HYDIN: variants seen among roughly 807,000 people sequenced by gnomAD.
HYDIN encodes axonemal central pair apparatus protein HYDIN.
In HYDIN, 132 loss-of-function variants were observed where a neutral mutation model predicts 403.9. The observed-to-expected ratio is 0.33, with a 90% CI of 0.28 to 0.38. The LOEUF (loss-of-function observed/expected upper bound fraction) is 0.38, where lower values mean the gene tolerates loss of function less well. Ranked by LOEUF, HYDIN falls within the 10% of genes least tolerant of loss-of-function variation. HYDIN has a pLI of 1.00. For missense variants in HYDIN, 2,827 were observed against 5,009.5 expected (o/e 0.56, Z 13.15); for synonymous variants, 1,202 against 1,891.7 (o/e 0.64, Z 9.46).
chr16:71,031,468 C>T lies in HYDIN; in HGVS notation c.2768+211G>A, dbSNP rs973523951. Reference sequence around the variant, plus strand: ...CATATTCTTCTCGGATGTAGAGGGACACGGATTAGAGAATGCAACCAAGTT... The same window carrying T: ...CATATTCTTCTCGGATGTAGAGGGATACGGATTAGAGAATGCAACCAAGTT... On this transcript the variant is annotated intron_variant, in intron 19 of 85. Coordinates refer to ENST00000393567, the MANE Select transcript of HYDIN (RefSeq NM_001270974.2). 3.7e-6 allele frequency: 5 copies of T among 1,366,410 alleles called. No homozygotes were observed. The African/African-American group carries it at 7.3e-5, about 20-fold the overall frequency. 84.6% of individuals were successfully genotyped at this position (1,366,410 alleles called of 1,614,324 possible). A position where few individuals can be genotyped will look rare whatever the true frequency, so the allele number is the denominator to read the frequency against.
At chr16:71,031,474 T>C in intron 19 of HYDIN, 2 of 1,369,132 alleles carry the variant, frequency 1.5e-6, no homozygotes, top group Non-Finnish European at 1.9e-6. Flanking sequence ...GGGACACGGA[T>C]TAGAGAATGC....
At chr16:71,173,480 A>G (rs886591334) in intron 5 of HYDIN, among the ~76,000 whole-genome samples, 1 of 152,216 alleles carries the variant, frequency 6.6e-6, no homozygotes, top group African/African-American at 2.4e-5. Context: ...AATACATTTC[A>G]ACTATTTCTT....
chr16:71,014,402 G>A (rs905639095), intron 23 of HYDIN, among the ~76,000 whole-genome samples: 12 of 144,110 alleles, frequency 8.3e-5, no homozygotes, highest in Non-Finnish European at 1.5e-4. Flanking sequence ...CTCCAGCATC[G>A]ATTCTCCCTC....
intron 20 of HYDIN, chr16:71,027,179 G>T: frequency 2.9e-6 from 3 of 1,050,124 alleles, no homozygotes; most frequent in Non-Finnish European, 2.3e-6. Flanking sequence ...GTTGCAGTCA[G>T]GCTGGAAAGA....
At chr16:71,118,693 GT>G (rs1445011934) in intron 9 of HYDIN, among the ~76,000 whole-genome samples, 13 of 148,486 alleles carry the variant, frequency 8.8e-5, no homozygotes, top group African/African-American at 3.2e-4. Context: ...ATAAGTATCT[GT>G]TTTCTTCTGA....
intron 65 of HYDIN, among the ~76,000 whole-genome samples, chr16:70,871,717 C>T (rs985363590): frequency 9.3e-5 from 13 of 139,064 alleles, no homozygotes; most frequent in African/African-American, 3.6e-4. Flanking sequence ...AAAGGACACA[C>T]ACCTAGGAGG....
In HYDIN at chr16:70,802,266, C is replaced by T. The variant is rs560513748; in HGVS notation, c.*5314G>A. 5.9e-5 allele frequency: 9 copies of T among 152,326 alleles called. No individual in the cohort carries two copies. In the South Asian group the frequency reaches 1.9e-3, roughly 32 times the overall value. 9.4% of individuals were successfully genotyped at this position (152,326 alleles called of 1,614,324 possible). A position where few individuals can be genotyped will look rare whatever the true frequency, so the allele number is the denominator to read the frequency against. On this transcript the variant is annotated 3_prime_UTR_variant, in exon 86 of 86. Transcript: ENST00000393567. ...GTGTTCATGCCCTGTATTATGCCCT[C>T]TTTCAGCGTGAACAAGACTTGTAAA...
intron 25 of HYDIN, among the ~76,000 whole-genome samples, chr16:70,989,982 G>A (rs2144040173): frequency 6.6e-6 from 1 of 152,342 alleles, no homozygotes; most frequent in East Asian, 1.9e-4. Context: ...CTAAGAGCAA[G>A]CAAGATGGTC....
intron 41 of HYDIN, among the ~76,000 whole-genome samples, chr16:70,945,816 C>T (rs2143897897): frequency 6.6e-6 from 1 of 152,186 alleles, no homozygotes; most frequent in African/African-American, 2.4e-5. Flanking sequence ...GTGAAGACTG[C>T]CAAGGACCTT....
chr16:71,144,079 A>G (rs2144556496), intron 7 of HYDIN, among the ~76,000 whole-genome samples: 1 of 152,110 alleles, frequency 6.6e-6, no homozygotes, highest in East Asian at 1.9e-4. Context: ...TGTCACTTCT[A>G]AGGTGAGAAG....
intron 41 of HYDIN, among the ~76,000 whole-genome samples, chr16:70,949,912 A>G (rs1014646307): frequency 6.6e-6 from 1 of 152,294 alleles, no homozygotes; most frequent in African/African-American, 2.4e-5. Context: ...AACCCAAGGA[A>G]ATGAGTTTTG....
In HYDIN at chr16:71,195,492, G is replaced by A. The variant is rs115111443; in HGVS notation, c.-23-8574C>T. Reference sequence around the variant, plus strand: ...AAAACAAGGAAAATACTCAAATACCGTATGACTTTGGTTGTCAGTGGGGGG... The same window carrying A: ...AAAACAAGGAAAATACTCAAATACCATATGACTTTGGTTGTCAGTGGGGGG... On this transcript the variant is annotated intron_variant, in intron 1 of 85. Coordinates refer to ENST00000393567, the MANE Select transcript of HYDIN (RefSeq NM_001270974.2). 2.1e-3 allele frequency among the ~76,000 whole-genome samples: 315 copies of A among 152,216 alleles called. 1 individual carries two copies. Among genetic ancestry groups the A allele is most frequent in the African/African-American group, 6.4e-3 (264 of 41,540 alleles).
chr16:71,165,269 C>T (rs2086169880), intron 5 of HYDIN, among the ~76,000 whole-genome samples: 1 of 151,704 alleles, frequency 6.6e-6, no homozygotes, highest in Non-Finnish European at 1.5e-5. Flanking sequence ...CCTGCAGCCA[C>T]AGGTTTCCCC....
At chr16:70,950,386 G>A (rs2078028042) in intron 41 of HYDIN, among the ~76,000 whole-genome samples, 1 of 152,008 alleles carries the variant, frequency 6.6e-6, no homozygotes. Flanking sequence ...GAGAAGCTGG[G>A]ATTACAGGTG....
intron 55 of HYDIN, among the ~76,000 whole-genome samples, chr16:70,893,112 G>T (rs1467643136): frequency 2.0e-5 from 3 of 152,176 alleles, no homozygotes; most frequent in Non-Finnish European, 4.4e-5. Flanking sequence ...GAATGTCACC[G>T]CCATGCTCCA....
chr16:70,867,046 A>T (rs1231623314), intron 66 of HYDIN, among the ~76,000 whole-genome samples: 2 of 150,932 alleles, frequency 1.3e-5, no homozygotes, highest in African/African-American at 4.9e-5. Context: ...AAAAAAAAAA[A>T]AAGATAAACT....
chr16:71,200,728 T>A (rs778944488), intron 1 of HYDIN, among the ~76,000 whole-genome samples: 10 of 152,178 alleles, frequency 6.6e-5, no homozygotes, highest in Non-Finnish European at 1.3e-4. Context: ...AAAATTGAGG[T>A]TCTCTGAACT....
intron 13 of HYDIN, among the ~76,000 whole-genome samples, chr16:71,078,817 G>C (rs1180599934): frequency 6.6e-6 from 1 of 152,166 alleles, no homozygotes; most frequent in Non-Finnish European, 1.5e-5. Flanking sequence ...ATTCTTAATT[G>C]ATGTTGCCCA....
intron 37 of HYDIN, among the ~76,000 whole-genome samples, chr16:70,964,221 C>T (rs1246356868): frequency 6.0e-5 from 9 of 149,034 alleles, no homozygotes; most frequent in Admixed American, 1.4e-4. Flanking sequence ...TGGAGGGGCT[C>T]GTCTTCTGCT....
Sources: gnomAD v4.1 joint callset for allele counts (sites outside exome capture counted in the v4.1 genomes callset) on GRCh38, gnomAD v4.1.1 for gene constraint, MANE v1.5 for transcripts, NCBI Gene and HGNC (gene_info 2026-07-23, HGNC 2026-07-21) for gene names.